The following ARHGEF6 variants were observed in gnomAD, a reference collection of about 807,000 sequenced individuals.
ARHGEF6 encodes the protein Rac/Cdc42 guanine nucleotide exchange factor 6.
Under a neutral mutation model 70.3 loss-of-function variants are expected in ARHGEF6, and 9 were observed. The observed-to-expected ratio is 0.13, with a 90% CI of 0.08 to 0.22. ARHGEF6 has a LOEUF of 0.22. ARHGEF6 is among the 10% of genes least tolerant of loss of function. The pLI, the probability that ARHGEF6 is intolerant of heterozygous loss-of-function variation, is 1.00. For missense variants in ARHGEF6, 470 were observed against 563.0 expected, an observed-to-expected ratio of 0.83 and a Z score of 1.67; for synonymous variants, 201 against 207.8, an observed-to-expected ratio of 0.97 and a Z score of 0.28.
chrX:136,676,643 C>T lies in ARHGEF6; in HGVS notation c.1926G>A (p.Glu642=), dbSNP rs2076284357. 3 of 1,206,032 alleles carry T rather than the reference C, an allele frequency of 2.5e-6. No homozygotes were observed. Among genetic ancestry groups the T allele is most frequent in the African/African-American group, 1.7e-5 (1 of 57,728 alleles). ...KRKTERKPSE[E]EYVIRKSTAA... Reference sequence around the variant, plus strand: ...ACATACTTTTCCTAATCACATATTCCTCCTCCGATGGTTTTCTCTCAGTCT... The same window carrying T: ...ACATACTTTTCCTAATCACATATTCTTCCTCCGATGGTTTTCTCTCAGTCT... Residue 642 remains glutamate, a synonymous_variant, in exon 18 of 22, where the codon GAG becomes GAA. Coordinates refer to ENST00000250617, the MANE Select transcript of ARHGEF6 (RefSeq NM_004840.3).
intron 19 of ARHGEF6, among the ~76,000 whole-genome samples, chrX:136,673,169 A>G (rs1436749318): frequency 8.9e-6 from 1 of 112,678 alleles, no homozygotes; most frequent in Non-Finnish European, 1.9e-5. Context: ...GATTTAAAGT[A>G]TATGGGAAGA....
chrX:136,738,120 C>A (rs1193269988), intron 5 of ARHGEF6, among the ~76,000 whole-genome samples: 2 of 110,366 alleles, frequency 1.8e-5, no homozygotes, highest in Non-Finnish European at 3.8e-5. Flanking sequence ...CCTCTTCAGG[C>A]ACAATGCACT....
chrX:136,686,619 T>TAC (rs1259792982), intron 11 of ARHGEF6, among the ~76,000 whole-genome samples: 23 of 73,051 alleles, frequency 3.1e-4, no homozygotes, highest in African/African-American at 1.4e-3. Context: ...TATATATATA[T>TAC]ATACACATAT....
intron 11 of ARHGEF6, among the ~76,000 whole-genome samples, chrX:136,686,182 G>T (rs946493395): frequency 4.5e-5 from 5 of 112,356 alleles, no homozygotes; most frequent in Non-Finnish European, 9.4e-5. Context: ...CTACTGGTTG[G>T]TGCCCCTGCT....
chrX:136,691,827 G>A (rs933146657), intron 9 of ARHGEF6, among the ~76,000 whole-genome samples: 1 of 111,332 alleles, frequency 9.0e-6, no homozygotes, highest in African/African-American at 3.3e-5. Flanking sequence ...AAGAGGCTGA[G>A]TGCCTACAAG....
Position 136,674,733 on chromosome X carries a change from A to G in ARHGEF6, c.2035+274T>C, listed in dbSNP as rs138129846. ...AGGTATCTGTGTACTTCAAAGGAGA[A>G]CAACTTTAAAAAAAAATTTTCACTT... On this transcript the variant is annotated intron_variant, in intron 19 of 21. Coordinates refer to ENST00000250617, the MANE Select transcript of ARHGEF6 (RefSeq NM_004840.3). Among the ~76,000 whole-genome samples, 529 of 112,068 alleles carry G rather than the reference A, an allele frequency of 4.7e-3. 2 individuals carry two copies. The highest frequency in any genetic ancestry group is 0.016 in the African/African-American group (507 of 30,816).
intron 2 of ARHGEF6, among the ~76,000 whole-genome samples, chrX:136,763,833 T>G (rs1162678070): frequency 2.7e-5 from 3 of 109,878 alleles, no homozygotes; most frequent in Non-Finnish European, 3.8e-5. Flanking sequence ...TCAAAATAAA[T>G]AAAGAAATAA....
At chrX:136,672,311 C>T (rs1265918569) in intron 19 of ARHGEF6, among the ~76,000 whole-genome samples, 192 bp from the exon 20 acceptor site, 1 of 111,558 alleles carries the variant, frequency 9.0e-6, no homozygotes, top group African/African-American at 3.3e-5. Flanking sequence ...TTCTAAATGG[C>T]CAAATACACT....
intron 5 of ARHGEF6, among the ~76,000 whole-genome samples, chrX:136,736,166 A>G (rs911017972): frequency 8.9e-6 from 1 of 112,002 alleles, no homozygotes; most frequent in African/African-American, 3.2e-5. Flanking sequence ...AAACAGAGAC[A>G]AAAATTTAAA....
chrX:136,727,386 T>C (rs2076873757), intron 6 of ARHGEF6, among the ~76,000 whole-genome samples: 1 of 75,338 alleles, frequency 1.3e-5, no homozygotes, highest in Non-Finnish European at 2.5e-5. Flanking sequence ...TCTTTCTTTC[T>C]TTCTTTCTTT....
intron 2 of ARHGEF6, among the ~76,000 whole-genome samples, chrX:136,772,102 T>A (rs903516246): frequency 2.7e-5 from 3 of 112,368 alleles, no homozygotes; most frequent in Non-Finnish European, 3.8e-5. Context: ...AATCAGTCAT[T>A]TGCAACAACA....
chrX:136,671,921 G>A, intron 20 of ARHGEF6, 99 bp downstream of exon 20: 1 of 688,586 alleles, frequency 1.5e-6, no homozygotes, highest in South Asian at 2.1e-5. Flanking sequence ...GTAAGGAGGA[G>A]TTGTCCCTCA....
chrX:136,763,871 AC>A (rs753790562), intron 2 of ARHGEF6, among the ~76,000 whole-genome samples: 1 of 111,491 alleles, frequency 9.0e-6, no homozygotes, highest in African/African-American at 3.3e-5. Context: ...TCCAGTTCCT[AC>A]CTTTGAAAAG....
intron 2 of ARHGEF6, among the ~76,000 whole-genome samples, chrX:136,773,037 A>G (rs1043104022): frequency 4.5e-5 from 5 of 111,427 alleles, no homozygotes; most frequent in African/African-American, 1.6e-4. Context: ...ATGAGAACAC[A>G]CAGATGGGGG....
At chrX:136,768,836 C>T (rs1248640727) in intron 2 of ARHGEF6, among the ~76,000 whole-genome samples, 1 of 110,786 alleles carries the variant, frequency 9.0e-6, no homozygotes, top group Non-Finnish European at 1.9e-5. Flanking sequence ...ACAAGCCTCA[C>T]TTTGGGGAGG....
chrX:136,705,589 C>A (rs2076618940), intron 9 of ARHGEF6, among the ~76,000 whole-genome samples: 1 of 111,547 alleles, frequency 9.0e-6, no homozygotes, highest in Non-Finnish European at 1.9e-5. Flanking sequence ...ATAATAACTC[C>A]CTCATAGGCT....
chrX:136,716,628 T>G, intron 6 of ARHGEF6, among the ~76,000 whole-genome samples: 1 of 112,098 alleles, frequency 8.9e-6, no homozygotes, highest in Middle Eastern at 4.6e-3. Context: ...CATCAGAACT[T>G]AAGTCAGGTA....
chrX:136,745,520 A>G (rs1274061429), intron 3 of ARHGEF6, among the ~76,000 whole-genome samples, 173 bp from the exon 4 acceptor site: 1 of 111,652 alleles, frequency 9.0e-6, no homozygotes, highest in African/African-American at 3.3e-5. Flanking sequence ...TTGGTGGCCA[A>G]CTTCCTGTTC....
At chrX:136,776,656 G>C (rs1368603896) in intron 2 of ARHGEF6, among the ~76,000 whole-genome samples, 1 of 111,127 alleles carries the variant, frequency 9.0e-6, no homozygotes, top group East Asian at 2.8e-4. Context: ...CTTTGGCAAA[G>C]AGTTCATGAC....
Sources: allele counts gnomAD v4.1 joint callset (sites outside exome capture counted in the v4.1 genomes callset), GRCh38; gene constraint gnomAD v4.1.1; transcripts MANE v1.5; gene names NCBI Gene and HGNC (gene_info 2026-07-23, HGNC 2026-07-21).